The following SHPRH variants were observed in gnomAD, a reference collection of about 807,000 sequenced individuals.
The protein encoded by SHPRH is SNF2 histone linker PHD RING helicase.
Under a neutral mutation model 202.5 loss-of-function variants are expected in SHPRH, and 106 were observed. That is an observed-to-expected ratio of 0.52 (90% confidence interval 0.45 to 0.62). The LOEUF (loss-of-function observed/expected upper bound fraction) is 0.62. SHPRH is among the 20% of genes least tolerant of loss of function. The pLI is 0.00. For missense variants in SHPRH, 1,710 were observed against 2,020.0 expected, an observed-to-expected ratio of 0.85 and a Z score of 2.94; for synonymous variants, 729 against 686.0, an observed-to-expected ratio of 1.06 and a Z score of -0.98.
At chr6:145,920,317 G>A (rs1784333582) in intron 21 of SHPRH, among the ~76,000 whole-genome samples, 1 of 152,054 alleles carries the variant, frequency 6.6e-6, no homozygotes, top group African/African-American at 2.4e-5. Context: ...GAAGAATACA[G>A]GGGCAACTGA....
intron 2 of SHPRH, among the ~76,000 whole-genome samples, chr6:145,873,122 G>A (rs572945011): frequency 2.0e-5 from 3 of 152,050 alleles, no homozygotes; most frequent in African/African-American, 7.2e-5. Flanking sequence ...AACCACCATG[G>A]CACACATTTA....
At position 145,933,196 on chromosome 6, in the gene SHPRH, C is replaced by T; in HGVS notation, c.2991-18G>A. On this transcript the variant is annotated intron_variant, in intron 13 of 29. Transcript: ENST00000275233. The stretch of plus-strand genomic sequence containing the variant: ...TCATGGTGCTAAAAGAAAAGGTAGA[C>T]TGTTCAAAACTAGAAAGAAAATCCC... The T allele has an allele frequency of 6.2e-7, 1 of 1,613,584 alleles. No homozygotes were observed. The highest frequency in any genetic ancestry group is 8.5e-7 in the Non-Finnish European group (1 of 1,179,776).
At chr6:145,946,787 G>A (rs1463446789) in intron 6 of SHPRH, among the ~76,000 whole-genome samples, 2 of 151,670 alleles carry the variant, frequency 1.3e-5, no homozygotes, top group Non-Finnish European at 2.9e-5. Flanking sequence ...GGCTAATTCT[G>A]CAAACTTGAC....
the SHPRH span, among the ~76,000 whole-genome samples, chr6:145,859,083 A>G: frequency 6.6e-6 from 1 of 152,096 alleles, no homozygotes; most frequent in African/African-American, 2.4e-5. Flanking sequence ...TAAAAAATAC[A>G]ATGCATGCAA....
Position 145,888,062 on chromosome 6 carries a change from A to G in SHPRH, c.4913T>C (p.Ile1638Thr), listed in dbSNP as rs34119615. ...IVHRFLIKAT[I>T]EERMQAMLKT... ...CAGCATTGCCTGCATTCTTTCTTCT[A>G]TTGTTGCTTTAATTAAGAATCTGTG... The change falls in exon 29 of 30, where the codon ATA (isoleucine) becomes ACA (threonine). Residue 1638 changes from isoleucine (I) to threonine (T), a missense_variant. Around this residue, in one of 8 missense-constraint regions of SHPRH, gnomAD observed 306 missense variants for 479.5 expected, o/e 0.64. Coordinates refer to ENST00000275233, the MANE Select transcript of SHPRH (RefSeq NM_001042683.3). The G allele has an allele frequency of 1.1e-5, 18 of 1,612,976 alleles. No individual in the cohort carries two copies. The African/African-American group carries it at 1.9e-4, about 17-fold the overall frequency.
intron 25 of SHPRH, among the ~76,000 whole-genome samples, chr6:145,901,901 T>C (rs774219218): frequency 6.6e-5 from 10 of 152,020 alleles, no homozygotes; most frequent in Admixed American, 6.6e-4. Flanking sequence ...AGGTCCAGCT[T>C]TGGAATAACG....
At chr6:145,876,268 G>C (rs1295624613) in intron 2 of SHPRH, among the ~76,000 whole-genome samples, 1 of 150,042 alleles carries the variant, frequency 6.7e-6, no homozygotes, top group African/African-American at 2.4e-5. Flanking sequence ...AGCTACTTGA[G>C]GAGGCCAAGG....
intron 2 of SHPRH, among the ~76,000 whole-genome samples, chr6:145,869,918 A>G (rs1449695698): frequency 6.6e-6 from 1 of 151,354 alleles, no homozygotes; most frequent in African/African-American, 2.4e-5. Flanking sequence ...CGCTGAGCCT[A>G]TAGATCAGGT....
chr6:145,916,932 T>C (rs1460743544), intron 23 of SHPRH, among the ~76,000 whole-genome samples: 6 of 151,984 alleles, frequency 3.9e-5, no homozygotes, highest in East Asian at 3.9e-4. Context: ...AGGCGTGTGC[T>C]ACCATTCCAG....
At chr6:145,882,588 C>T (rs2254257), downstream of SHPRH, among the ~76,000 whole-genome samples, 55,679 of 151,936 alleles carry the variant, frequency 0.37, 10,719 homozygotes, top group South Asian at 0.48. Flanking sequence ...AATTCTGTGA[C>T]AAAGGAAAAT....
chr6:145,912,598 T>C (rs571684035), intron 24 of SHPRH, among the ~76,000 whole-genome samples: 1 of 152,284 alleles, frequency 6.6e-6, no homozygotes, highest in South Asian at 2.1e-4. Context: ...CAGTACTATT[T>C]TGCTCAGTTT....
chr6:145,864,479 T>C (rs1253186694), exon 3 of SHPRH: 1 of 270,164 alleles, frequency 3.7e-6, no homozygotes, highest in Non-Finnish European at 7.9e-6. Flanking sequence ...ATAACGCCTG[T>C]TCCTCAAAAA....
chr6:145,926,792 A>G (rs1254570315), intron 15 of SHPRH, among the ~76,000 whole-genome samples: 3 of 151,966 alleles, frequency 2.0e-5, no homozygotes, highest in African/African-American at 7.2e-5. Context: ...AAATCTCCCT[A>G]AAGACCTCTA....
chr6:145,893,852 T>A (rs1262578094), intron 27 of SHPRH, among the ~76,000 whole-genome samples: 1 of 151,690 alleles, frequency 6.6e-6, no homozygotes. Context: ...TAGAAACTAA[T>A]CCTTGGGGTG....
Position 145,923,798 on chromosome 6 carries a change from T to TAGCA in SHPRH, c.3403-17_3403-14dup. The stretch of plus-strand genomic sequence containing the variant: ...AATTAGAATGAATCTGTAAAAAAGG[T>TAGCA]AGCAGTTAATCAATTAATACATTTT... On this transcript the variant is annotated splice_polypyrimidine_tract_variant and intron_variant, in intron 17 of 29. Transcript: ENST00000275233. 1 of 1,605,692 alleles carries TAGCA rather than the reference T, an allele frequency of 6.2e-7. No homozygotes were observed. The highest frequency in any genetic ancestry group is 2.2e-5 in the East Asian group (1 of 44,650).
At position 145,952,393 on chromosome 6, in the gene SHPRH, A is replaced by C; in HGVS notation, c.719T>G (p.Leu240Arg). 1 of 1,610,422 alleles carries C rather than the reference A, an allele frequency of 6.2e-7. No individual in the cohort carries two copies. Among genetic ancestry groups the C allele is most frequent in the Non-Finnish European group, 8.5e-7 (1 of 1,178,032 alleles). Residue 240 changes from leucine to arginine, a missense_variant, in exon 3 of 30, where the codon CTC becomes CGC. Transcript: ENST00000275233. ...ANSRMKKFNQ[L>R]MKKVMEKLHN... ...TAACTTTTCCATTACTTTCTTCATG[A>C]GCTGATTGAACTTTTTCATTCTTGA...
downstream of SHPRH, chr6:145,884,751 G>GA (rs769807369): frequency 2.0e-4 from 31 of 151,850 alleles, no homozygotes; most frequent in Admixed American, 8.5e-4. Flanking sequence ...TTTGTTGAAA[G>GA]AAAAAACCAA....
At chr6:145,944,537 T>C (rs1024935288) in intron 8 of SHPRH, among the ~76,000 whole-genome samples, 1 of 152,038 alleles carries the variant, frequency 6.6e-6, no homozygotes, top group African/African-American at 2.4e-5. Context: ...ATGTAATCAA[T>C]GGCATTAACT....
rs570249043 is a variant in SHPRH, at chr6:145,913,417, A to T, written c.4326+61T>A. The stretch of plus-strand genomic sequence containing the variant: ...GAAAAACGAGAGAAAGATTTTATGT[A>T]GAAACCTTTGAAAACTGTAAGGTAT... On this transcript the variant is annotated intron_variant, in intron 24 of 29. Transcript: ENST00000275233. The T allele has an allele frequency of 1.2e-5, 18 of 1,451,350 alleles. No homozygotes were observed. In the African/African-American group the frequency reaches 1.3e-4, roughly 10 times the overall value. 89.9% of individuals were successfully genotyped at this position (1,451,350 alleles called of 1,614,324 possible). A position where few individuals can be genotyped will look rare whatever the true frequency, so the allele number is the denominator to read the frequency against.
Sources: allele counts gnomAD v4.1 joint callset (sites outside exome capture counted in the v4.1 genomes callset), GRCh38; gene constraint gnomAD v4.1.1; regional missense constraint gnomAD v4.1.1; transcripts MANE v1.5; gene names NCBI Gene and HGNC (gene_info 2026-07-23, HGNC 2026-07-21).